CLSTN2: variants seen among roughly 807,000 people sequenced by gnomAD.
CLSTN2 encodes the protein calsyntenin-2.
In CLSTN2, 48 loss-of-function variants were observed where a neutral mutation model predicts 101.2. The observed-to-expected ratio is 0.47, with a 90% CI of 0.38 to 0.60. CLSTN2 has a LOEUF of 0.60. Ranked by LOEUF, CLSTN2 falls within the 20% of genes least tolerant of loss-of-function variation. The probability of loss-of-function intolerance (pLI) is 0.00; values close to 1 mark genes in which losing one functional copy is unlikely to be tolerated. For synonymous variants in CLSTN2, 481 were observed against 463.6 expected (o/e 1.04, Z -0.48); for missense variants, 1,160 against 1,238.2 (o/e 0.94, Z 0.95).
chr3:140,521,907 G>C (rs745823550), intron 8 of CLSTN2, among the ~76,000 whole-genome samples: 30 of 152,158 alleles, frequency 2.0e-4, no homozygotes, highest in Non-Finnish European at 3.8e-4. Flanking sequence ...GATAGAGCCC[G>C]CCTCCTAGGG....
intron 1 of CLSTN2, among the ~76,000 whole-genome samples, chr3:140,170,339 G>C (rs1356975657): frequency 6.6e-6 from 1 of 152,096 alleles, no homozygotes; most frequent in Non-Finnish European, 1.5e-5. Flanking sequence ...TATAGACAAA[G>C]GATAGAAGGC....
chr3:140,109,095 T>C (rs1219777107), intron 1 of CLSTN2, among the ~76,000 whole-genome samples: 4 of 152,214 alleles, frequency 2.6e-5, no homozygotes, highest in Non-Finnish European at 5.9e-5. Flanking sequence ...CTGTGGTTCA[T>C]GGCTTAGGGA....
At position 140,135,147 on chromosome 3, in the gene CLSTN2, T is replaced by C. The variant is rs959759670; in HGVS notation, c.110-40804T>C. Among the ~76,000 whole-genome samples the C allele has an allele frequency of 6.4e-4, 87 of 136,410 alleles. No individual in the cohort carries two copies. In the South Asian group the frequency reaches 9.5e-3, roughly 15 times the overall value. The allele number at this position is 136,410 out of a possible 152,430, so 89.5% of individuals were successfully genotyped here. On this transcript the variant is annotated intron_variant, in intron 1 of 16. Transcript: ENST00000458420. Reference sequence around the variant, plus strand: ...ATATATATATATATATATATATATATATATATATATATATAAAATATGCTG... The same window carrying C: ...ATATATATATATATATATATATATACATATATATATATATAAAATATGCTG...
rs562146053 is a variant in CLSTN2, at chr3:140,571,239, C to T, written c.*4986C>T. ...ATTGCTCTAAAAATGATCCTAAAGACTTGTGACTGTTTGAATCAATAGCAA... is the reference window on the plus strand; with the variant it reads ...ATTGCTCTAAAAATGATCCTAAAGATTTGTGACTGTTTGAATCAATAGCAA... On this transcript the variant is annotated 3_prime_UTR_variant, in exon 17 of 17. Coordinates refer to ENST00000458420, the MANE Select transcript of CLSTN2 (RefSeq NM_022131.3). 2 of 152,320 alleles carry T rather than the reference C, an allele frequency of 1.3e-5. No individual in the cohort carries two copies. Among genetic ancestry groups the T allele is most frequent in the South Asian group, 2.1e-4 (1 of 4,832 alleles). 9.4% of individuals were successfully genotyped at this position (152,320 alleles called of 1,614,324 possible).
At chr3:140,415,214 A>C (rs2088414529) in intron 4 of CLSTN2, among the ~76,000 whole-genome samples, 1 of 152,234 alleles carries the variant, frequency 6.6e-6, no homozygotes, top group Non-Finnish European at 1.5e-5. Flanking sequence ...CTTACACATA[A>C]GACCTGAAAC....
chr3:140,502,556 C>T (rs947397714), intron 8 of CLSTN2, among the ~76,000 whole-genome samples: 2 of 152,148 alleles, frequency 1.3e-5, no homozygotes, highest in Non-Finnish European at 2.9e-5. Flanking sequence ...CTAAAGTAAT[C>T]GTGAATTACA....
chr3:140,472,068 A>G (rs1181411045), intron 8 of CLSTN2, among the ~76,000 whole-genome samples: 1 of 151,716 alleles, frequency 6.6e-6, no homozygotes, highest in African/African-American at 2.4e-5. Flanking sequence ...CCCCTGCCCT[A>G]CCTCCCACAG....
At chr3:140,056,025 C>A (rs1039091069) in intron 1 of CLSTN2, among the ~76,000 whole-genome samples, 6 of 152,188 alleles carry the variant, frequency 3.9e-5, no homozygotes, top group Admixed American at 2.6e-4. Context: ...ACTTTGTGGT[C>A]GTTGGTACCA....
chr3:140,426,979 G>A (rs752298473), intron 5 of CLSTN2, among the ~76,000 whole-genome samples: 21 of 151,624 alleles, frequency 1.4e-4, no homozygotes, highest in Non-Finnish European at 2.5e-4. Context: ...GTTTGAAACC[G>A]GCCTGGCCAA....
chr3:140,076,413 T>C (rs1004081361), intron 1 of CLSTN2, among the ~76,000 whole-genome samples: 18 of 152,146 alleles, frequency 1.2e-4, no homozygotes, highest in South Asian at 2.1e-4. Flanking sequence ...CTCCAGGCTC[T>C]GCTCATTTTA....
intron 1 of CLSTN2, among the ~76,000 whole-genome samples, chr3:140,131,168 A>T (rs977856912): frequency 2.6e-5 from 4 of 152,174 alleles, no homozygotes; most frequent in African/African-American, 9.6e-5. Context: ...TTAAAAAAAA[A>T]AATCCGGGCT....
In CLSTN2 at chr3:140,566,264, T is replaced by A; in HGVS notation, c.*11T>A. ...ACCCTCCCCTACTAGTGCCCAGGGG[T>A]CTGCTGCCTGGCCCACATGTCCCTT... On this transcript the variant is annotated 3_prime_UTR_variant, in exon 17 of 17. Coordinates refer to ENST00000458420, the MANE Select transcript of CLSTN2 (RefSeq NM_022131.3). The A allele has an allele frequency of 6.4e-7, 1 of 1,554,818 alleles. No homozygotes were observed. The highest frequency in any genetic ancestry group is 8.7e-7 in the Non-Finnish European group (1 of 1,149,318).
chr3:140,254,971 C>T (rs1237258205), intron 2 of CLSTN2, among the ~76,000 whole-genome samples: 1 of 152,000 alleles, frequency 6.6e-6, no homozygotes, highest in Non-Finnish European at 1.5e-5. Context: ...AAAAACAACC[C>T]CATTACAAAA....
chr3:140,189,736 G>A (rs1357487569), intron 2 of CLSTN2, among the ~76,000 whole-genome samples: 1 of 152,044 alleles, frequency 6.6e-6, no homozygotes, highest in Non-Finnish European at 1.5e-5. Flanking sequence ...TGTACAGTTA[G>A]GTTGAGACTC....
At chr3:140,260,684 G>A (rs62267964) in intron 2 of CLSTN2, among the ~76,000 whole-genome samples, 1,897 of 152,176 alleles carry the variant, frequency 0.012, 14 homozygotes, top group Middle Eastern at 0.017. Flanking sequence ...ATCAACTAAC[G>A]TCTATAGTTT....
At chr3:140,504,814 G>A (rs1934651868) in intron 8 of CLSTN2, among the ~76,000 whole-genome samples, 1 of 152,170 alleles carries the variant, frequency 6.6e-6, no homozygotes, top group Non-Finnish European at 1.5e-5. Flanking sequence ...GGTGGTAGGA[G>A]GAACGCTTTT....
At chr3:140,515,643 C>T (rs1934904069) in intron 8 of CLSTN2, among the ~76,000 whole-genome samples, 1 of 152,002 alleles carries the variant, frequency 6.6e-6, no homozygotes, top group Non-Finnish European at 1.5e-5. Flanking sequence ...CATTCAGGAG[C>T]AGGTTATTTA....
At chr3:140,102,486 A>T (rs546006998) in intron 1 of CLSTN2, among the ~76,000 whole-genome samples, 1 of 140,888 alleles carries the variant, frequency 7.1e-6, no homozygotes, top group Non-Finnish European at 1.6e-5. Flanking sequence ...ATCATGAGAC[A>T]TATTGCAAAG....
chr3:140,231,583 A>AG (rs2086372304), intron 2 of CLSTN2, among the ~76,000 whole-genome samples: 1 of 152,114 alleles, frequency 6.6e-6, no homozygotes, highest in Non-Finnish European at 1.5e-5. Context: ...GAGGCACTCG[A>AG]TAGAGGCCTG....
Sources: allele counts gnomAD v4.1 joint callset (sites outside exome capture counted in the v4.1 genomes callset), GRCh38; gene constraint gnomAD v4.1.1; transcripts MANE v1.5; gene names NCBI Gene and HGNC (gene_info 2026-07-23, HGNC 2026-07-21).